PRKCE: variants seen among roughly 807,000 people sequenced by gnomAD.
The protein encoded by PRKCE is protein kinase C epsilon.
A neutral mutation model predicts 85.4 loss-of-function variants in PRKCE; 16 were observed. The observed-to-expected ratio is 0.19, with a 90% CI of 0.13 to 0.28. The LOEUF is 0.28. Among genes scored for constraint, PRKCE ranks in the 10% least tolerant of loss-of-function variants. The pLI is 1.00. For synonymous variants in PRKCE, 388 were observed against 371.5 expected, an observed-to-expected ratio of 1.04 and a Z score of -0.51; for missense variants, 573 against 975.2, an observed-to-expected ratio of 0.59 and a Z score of 5.49.
At chr2:46,024,711 G>A (rs1368791548) in intron 10 of PRKCE, among the ~76,000 whole-genome samples, 1 of 151,896 alleles carries the variant, frequency 6.6e-6, no homozygotes, top group Admixed American at 6.6e-5. Flanking sequence ...GAGTGAATGG[G>A]GAAAATGACT....
intron 2 of PRKCE, chr2:45,851,849 T>A (rs1692288639): frequency 6.6e-6 from 1 of 152,210 alleles, no homozygotes; most frequent in Non-Finnish European, 1.5e-5. Context: ...TATAAAGGGC[T>A]ATGTTGAAAT....
chr2:46,135,424 G>A (rs771781984), intron 11 of PRKCE, among the ~76,000 whole-genome samples: 1 of 152,208 alleles, frequency 6.6e-6, no homozygotes, highest in Non-Finnish European at 1.5e-5. Flanking sequence ...TCCTGGGCCA[G>A]TCAAGTAACC....
At position 45,744,500 on chromosome 2, in the gene PRKCE, T is replaced by TTTTCTTTCTTTCTTTCTTTC. The variant is rs1173068102; in HGVS notation, c.348+92060_348+92079dup. ...TTCTTTCTTTCTTTTTCTTTCTTTCTTTTCTTTCTTTCTTTCTTTCTTTCT... is the reference window on the plus strand; with the variant it reads ...TTCTTTCTTTCTTTTTCTTTCTTTCTTTTCTTTCTTTCTTTCTTTCTTTCTTTCTTTCTTTCTTTCTTTCT... On this transcript the variant is annotated intron_variant, in intron 1 of 14. Transcript: ENST00000306156. Among the ~76,000 whole-genome samples the TTTTCTTTCTTTCTTTCTTTC allele has an allele frequency of 3.9e-4, 33 of 84,744 alleles. 2 individuals are homozygous for TTTTCTTTCTTTCTTTCTTTC. The highest frequency in any genetic ancestry group is 1.8e-3 in the African/African-American group (31 of 17,460). 55.6% of individuals were successfully genotyped at this position (84,744 alleles called of 152,430 possible). A position where few individuals can be genotyped will look rare whatever the true frequency, so the allele number is the denominator to read the frequency against.
intron 12 of PRKCE, among the ~76,000 whole-genome samples, chr2:46,146,625 G>A (rs929365132): frequency 6.6e-6 from 1 of 152,202 alleles, no homozygotes; most frequent in African/African-American, 2.4e-5. Context: ...GGATTGGAAC[G>A]GGGGCAGGAC....
chr2:45,943,720 G>T (rs928559348), intron 2 of PRKCE, among the ~76,000 whole-genome samples: 1 of 152,126 alleles, frequency 6.6e-6, no homozygotes, highest in African/African-American at 2.4e-5. Flanking sequence ...TAAGTTACAC[G>T]TCTTAGCAGA....
chr2:45,868,703 G>C (rs371343915), intron 2 of PRKCE, among the ~76,000 whole-genome samples: 1 of 149,320 alleles, frequency 6.7e-6, no homozygotes, highest in East Asian at 2.0e-4. Flanking sequence ...GAGGCAGGCC[G>C]AGGTGGGCGG....
At chr2:46,102,112 C>A (rs1286322302) in intron 11 of PRKCE, among the ~76,000 whole-genome samples, 1 of 152,170 alleles carries the variant, frequency 6.6e-6, no homozygotes, top group African/African-American at 2.4e-5. Flanking sequence ...AGCTTGAAAT[C>A]AGCCATGATG....
chr2:45,877,546 T>A (rs556443939), intron 2 of PRKCE, among the ~76,000 whole-genome samples: 1 of 152,346 alleles, frequency 6.6e-6, no homozygotes, highest in Admixed American at 6.5e-5. Context: ...TACATCGAGT[T>A]TTTAAATTAT....
intron 2 of PRKCE, among the ~76,000 whole-genome samples, chr2:45,947,061 C>T (rs1700290978): frequency 1.3e-5 from 2 of 152,204 alleles, no homozygotes; most frequent in Non-Finnish European, 2.9e-5. Flanking sequence ...TCTCCATCAC[C>T]TGGTGTGTTT....
In PRKCE at chr2:45,944,699, G is replaced by A. The variant is rs956444290; in HGVS notation, c.413-31730G>A. ...TTTTTTTTTGTAGAGACAGGATTTT[G>A]CCATGTTGCCTAGGCTAGTCTCGAA... On this transcript the variant is annotated intron_variant, in intron 2 of 14. Coordinates refer to ENST00000306156, the MANE Select transcript of PRKCE (RefSeq NM_005400.3). Among the ~76,000 whole-genome samples the A allele has an allele frequency of 1.2e-4, 11 of 88,466 alleles. 1 individual carries two copies. The highest frequency in any genetic ancestry group is 4.7e-4 in the African/African-American group (10 of 21,430). 58.0% of individuals were successfully genotyped at this position (88,466 alleles called of 152,430 possible). A position where few individuals can be genotyped will look rare whatever the true frequency, so the allele number is the denominator to read the frequency against.
intron 10 of PRKCE, among the ~76,000 whole-genome samples, chr2:46,017,311 T>TA (rs2104847082): frequency 6.6e-6 from 1 of 152,352 alleles, no homozygotes; most frequent in Admixed American, 6.5e-5. Context: ...CATACAATAA[T>TA]GTCTTTCTGT....
chr2:45,946,900 G>A lies in PRKCE; in HGVS notation c.413-29529G>A, dbSNP rs1232742855. ...GCATATGTAAAGTCTCCTTGGGTGG[G>A]CTTGCCACAGCCAGGAGCTCCAAGA... On this transcript the variant is annotated intron_variant, in intron 2 of 14. Transcript: ENST00000306156. Among the ~76,000 whole-genome samples, 3 of 152,204 alleles carry A rather than the reference G, an allele frequency of 2.0e-5. No homozygotes were observed. In the East Asian group the frequency reaches 5.8e-4, roughly 29 times the overall value.
rs75793760 is a variant in PRKCE at position 45,879,450 on chromosome 2, C to T, written c.412+36387C>T. Among the ~76,000 whole-genome samples the T allele has an allele frequency of 6.6e-3, 999 of 152,306 alleles. 7 individuals are homozygous for T. Among genetic ancestry groups the T allele is most frequent in the Non-Finnish European group, 8.6e-3 (582 of 68,018 alleles). On this transcript the variant is annotated intron_variant, in intron 2 of 14. Transcript: ENST00000306156. Reference sequence around the variant, plus strand: ...AGGATACAGAAAGCTGTCACACTGACCGTCTCCCCTTGCAAAAAGGCAGAG... The same window carrying T: ...AGGATACAGAAAGCTGTCACACTGATCGTCTCCCCTTGCAAAAAGGCAGAG...
chr2:46,131,211 G>T (rs780806914), intron 11 of PRKCE, among the ~76,000 whole-genome samples: 15 of 152,210 alleles, frequency 9.9e-5, no homozygotes, highest in Non-Finnish European at 1.6e-4. Context: ...AGTTGGCTGG[G>T]GATGGAGTCA....
At chr2:46,059,789 G>A (rs1419287316) in intron 10 of PRKCE, among the ~76,000 whole-genome samples, 2 of 152,156 alleles carry the variant, frequency 1.3e-5, no homozygotes, top group Non-Finnish European at 2.9e-5. Context: ...ACTCCAGCCT[G>A]AGCAATATAG....
chr2:45,858,375 GT>G (rs5830876), intron 2 of PRKCE, among the ~76,000 whole-genome samples: 21 of 150,838 alleles, frequency 1.4e-4, no homozygotes, highest in Admixed American at 5.9e-4. Flanking sequence ...AAATGATGGG[GT>G]TTTTTTTTGA....
At chr2:45,949,419 G>GTTTTTTTTTTTTTTTTTTTT (rs1700466742) in intron 2 of PRKCE, among the ~76,000 whole-genome samples, 1 of 61,724 alleles carries the variant, frequency 1.6e-5, no homozygotes. Context: ...TTTTTTTTTT[G>GTTTTTTTTTTTTTTTTTTTT]ATTGTTGTTT....
At chr2:45,996,812 C>T (rs578136400) in intron 6 of PRKCE, among the ~76,000 whole-genome samples, 26 of 152,096 alleles carry the variant, frequency 1.7e-4, no homozygotes, top group South Asian at 4.1e-4. Flanking sequence ...AATATCTTTG[C>T]TTTGATATTA....
At chr2:45,995,761 T>G (rs988282287) in intron 6 of PRKCE, among the ~76,000 whole-genome samples, 6 of 152,226 alleles carry the variant, frequency 3.9e-5, no homozygotes, top group African/African-American at 1.4e-4. Flanking sequence ...AGCTTTATAG[T>G]AAGTCTTGAA....
Sources: allele counts gnomAD v4.1 joint callset (sites outside exome capture counted in the v4.1 genomes callset), GRCh38; gene constraint gnomAD v4.1.1; transcripts MANE v1.5; gene names NCBI Gene and HGNC (gene_info 2026-07-23, HGNC 2026-07-21).